Variants in THSD7A observed in about 807,000 individuals in gnomAD.
THSD7A encodes the protein thrombospondin type-1 domain-containing protein 7A.
THSD7A carries 96 observed loss-of-function variants against 231.3 expected under a neutral mutation model. The observed-to-expected ratio is 0.41, with a 90% CI of 0.35 to 0.49. The LOEUF is 0.49. Among genes scored for constraint, THSD7A ranks in the 20% least tolerant of loss-of-function variants. THSD7A has a pLI of 0.05. For missense variants in THSD7A, 2,290 were observed against 2,070.2 expected (o/e 1.11, Z -2.06); for synonymous variants, 940 against 743.3 (o/e 1.26, Z -4.30).
chr7:11,535,653 T>C (rs1788884794), intron 6 of THSD7A, among the ~76,000 whole-genome samples: 1 of 152,054 alleles, frequency 6.6e-6, no homozygotes, highest in South Asian at 2.1e-4. Context: ...GTTGACTTAT[T>C]GCTTAAATTA....
chr7:11,592,736 TA>T (rs1780213481), intron 3 of THSD7A, among the ~76,000 whole-genome samples: 1 of 152,232 alleles, frequency 6.6e-6, no homozygotes, highest in African/African-American at 2.4e-5. Flanking sequence ...CTCTAGTGAA[TA>T]GGATTTGTTA....
chr7:11,382,603 A>G lies in THSD7A; in HGVS notation c.4425T>C (p.Tyr1475=). ...AAGCACTGGCCATCCATTTATATTC[A>G]TAGCACTGTCCATCTGCAGGGAAAT... The part of the protein sequence containing the change: ...ETKSCYDGQC[Y]EYKWMASAWK... The change falls in exon 24 of 28, where the codon TAT becomes TAC. Residue 1475 remains tyrosine, a synonymous_variant. Coordinates refer to ENST00000423059, the MANE Select transcript of THSD7A (RefSeq NM_015204.3). 6.2e-7 allele frequency: 1 copy of G among 1,612,436 alleles called. No homozygotes were observed. The highest frequency in any genetic ancestry group is 8.5e-7 in the Non-Finnish European group (1 of 1,178,914).
At chr7:11,508,325 A>C (rs1260083736) in intron 6 of THSD7A, among the ~76,000 whole-genome samples, 1 of 152,220 alleles carries the variant, frequency 6.6e-6, no homozygotes, top group African/African-American at 2.4e-5. Flanking sequence ...AAAAATGTTC[A>C]GTGTCACTAA....
chr7:11,609,586 A>G (rs1386877781), intron 2 of THSD7A, among the ~76,000 whole-genome samples: 3 of 152,158 alleles, frequency 2.0e-5, no homozygotes, highest in Admixed American at 6.6e-5. Flanking sequence ...GTTGCCCAAC[A>G]TAAGAAGAGC....
intron 1 of THSD7A, among the ~76,000 whole-genome samples, chr7:11,822,631 T>G (rs1784908612): frequency 6.6e-6 from 1 of 152,086 alleles, no homozygotes; most frequent in African/African-American, 2.4e-5. Flanking sequence ...CCATAGTGTT[T>G]TCCATAGAGG....
intron 1 of THSD7A, among the ~76,000 whole-genome samples, chr7:11,650,702 T>C (rs1782465833): frequency 6.6e-6 from 1 of 151,974 alleles, no homozygotes; most frequent in Non-Finnish European, 1.5e-5. Context: ...GTGAAACCTG[T>C]GCAAAACTGG....
intron 6 of THSD7A, among the ~76,000 whole-genome samples, chr7:11,506,119 G>T (rs1162380127): frequency 6.6e-6 from 1 of 152,266 alleles, no homozygotes; most frequent in Non-Finnish European, 1.5e-5. Context: ...GCCCTCCCCA[G>T]TAGCTGGGAC....
At chr7:11,764,374 G>A (rs184871699) in intron 1 of THSD7A, among the ~76,000 whole-genome samples, 4 of 152,146 alleles carry the variant, frequency 2.6e-5, no homozygotes, top group African/African-American at 7.2e-5. Flanking sequence ...GAGGTCAGGA[G>A]ATCGAGACCA....
At chr7:11,787,301 A>G (rs1330757643) in intron 1 of THSD7A, among the ~76,000 whole-genome samples, 1 of 152,100 alleles carries the variant, frequency 6.6e-6, no homozygotes, top group Non-Finnish European at 1.5e-5. Flanking sequence ...ATGCAAAACT[A>G]TAAAACTCTA....
intron 1 of THSD7A, among the ~76,000 whole-genome samples, chr7:11,737,024 T>A (rs1028412324): frequency 6.6e-6 from 1 of 152,058 alleles, no homozygotes; most frequent in African/African-American, 2.4e-5. Context: ...AGGACATGTT[T>A]GCTTTCCCTT....
At chr7:11,439,114 A>G (rs1343849999) in intron 13 of THSD7A, among the ~76,000 whole-genome samples, 1 of 151,954 alleles carries the variant, frequency 6.6e-6, no homozygotes, top group Non-Finnish European at 1.5e-5. Context: ...AAATATGACT[A>G]TTTTCAAAGG....
At position 11,593,332 on chromosome 7, in the gene THSD7A, C is replaced by A; in HGVS notation, c.1193G>T (p.Gly398Val). 8 of 1,613,982 alleles carry A rather than the reference C, an allele frequency of 5.0e-6. No homozygotes were observed. The highest frequency in any genetic ancestry group is 6.8e-6 in the Non-Finnish European group (8 of 1,179,888). ...AAATTCTGGACACTCCTTTTCACTG[C>A]CAATGGGAAACTGCCTGATGGTTCG... is the stretch of plus-strand genomic sequence containing the variant. ...RTRTIRQFPIGSEKECPEFEE... is the reference protein window; with the variant it reads ...RTRTIRQFPIVSEKECPEFEE... The change falls in exon 3 of 28, where the codon GGC becomes GTC. Residue 398 changes from glycine (G) to valine (V), a missense_variant. By Grantham distance (109) the Gly-to-Val change is moderately radical (BLOSUM62 -3). Transcript: ENST00000423059.
At chr7:11,453,397 T>G (rs957234342) in intron 11 of THSD7A, among the ~76,000 whole-genome samples, 4 of 151,752 alleles carry the variant, frequency 2.6e-5, no homozygotes, top group Admixed American at 2.0e-4. Context: ...TGAGGACTCC[T>G]AGGGCCAGGA....
intron 1 of THSD7A, among the ~76,000 whole-genome samples, chr7:11,750,844 C>T (rs1782477458): frequency 7.9e-5 from 12 of 152,000 alleles, no homozygotes; most frequent in Admixed American, 7.9e-4. Context: ...CAGTAATACA[C>T]TTATTGTGAG....
At chr7:11,545,714 ACTC>A (rs1789351780) in intron 4 of THSD7A, among the ~76,000 whole-genome samples, 1 of 152,132 alleles carries the variant, frequency 6.6e-6, no homozygotes, top group African/African-American at 2.4e-5. Flanking sequence ...AGGGGAACCC[ACTC>A]CTCAACAGAC....
intron 26 of THSD7A, chr7:11,378,745 A>G (rs930454416): frequency 3.4e-6 from 1 of 296,596 alleles, no homozygotes; most frequent in South Asian, 4.1e-5. Context: ...CTGAATGACA[A>G]CACATTTTTT....
chr7:11,494,115 G>T (rs1787005068), intron 6 of THSD7A, among the ~76,000 whole-genome samples: 1 of 151,978 alleles, frequency 6.6e-6, no homozygotes, highest in South Asian at 2.1e-4. Flanking sequence ...TTAGGCTACA[G>T]ATATTATATA....
intron 2 of THSD7A, among the ~76,000 whole-genome samples, chr7:11,610,962 C>T (rs530777980): frequency 6.6e-6 from 1 of 152,016 alleles, no homozygotes; most frequent in Admixed American, 6.6e-5. Context: ...AAGAGGATGC[C>T]GAAGGGATAT....
At position 11,567,216 on chromosome 7, in the gene THSD7A, C is replaced by T. The variant is rs192780006; in HGVS notation, c.1453+23244G>A. 4.2e-3 allele frequency among the ~76,000 whole-genome samples: 637 copies of T among 152,124 alleles called. 4 individuals carry two copies. The highest frequency in any genetic ancestry group is 0.015 in the African/African-American group (616 of 41,464). On this transcript the variant is annotated intron_variant, in intron 4 of 27. Transcript: ENST00000423059. Reference sequence around the variant, plus strand: ...CAGTTCAGCATGGCTGTGGAGGCCTCTGGAAACTTAAAAATCATGGTGGAA... The same window carrying T: ...CAGTTCAGCATGGCTGTGGAGGCCTTTGGAAACTTAAAAATCATGGTGGAA...
Sources: allele counts gnomAD v4.1 joint callset (sites outside exome capture counted in the v4.1 genomes callset), GRCh38; gene constraint gnomAD v4.1.1; transcripts MANE v1.5; gene names NCBI Gene and HGNC (gene_info 2026-07-23, HGNC 2026-07-21).